Variants in MAPK8IP3 observed in about 807,000 individuals in gnomAD.
MAPK8IP3 encodes mitogen-activated protein kinase 8 interacting protein 3.
In MAPK8IP3, 49 loss-of-function variants were observed where a neutral mutation model predicts 157.8. The observed-to-expected ratio is 0.31, with a 90% confidence interval of 0.25 to 0.39. The LOEUF (loss-of-function observed/expected upper bound fraction) is 0.39, where lower values mean the gene tolerates loss of function less well. Ranked by LOEUF, MAPK8IP3 falls within the 10% of genes least tolerant of loss-of-function variation. The probability of loss-of-function intolerance (pLI) is 1.00; values close to 1 mark genes in which losing one functional copy is unlikely to be tolerated. For missense variants in MAPK8IP3, 1,478 were observed against 1,889.4 expected, an observed-to-expected ratio of 0.78 and a Z score of 4.04; for synonymous variants, 897 against 777.7, an observed-to-expected ratio of 1.15 and a Z score of -2.55.
At chr16:1,748,424 C>A in intron 7 of MAPK8IP3, 78 bp downstream of exon 7, 2 of 1,283,280 alleles carry the variant, frequency 1.6e-6, no homozygotes, top group Non-Finnish European at 1.1e-6. Flanking sequence ...AAGTCTTCCT[C>A]TGCCACCACT....
In MAPK8IP3 at chr16:1,725,149, T is replaced by TTTTTTATTA. The variant is rs368464070; in HGVS notation, c.439+474_439+475insTTTATTATT. Among the ~76,000 whole-genome samples, 215 of 144,472 alleles carry TTTTTTATTA rather than the reference T, an allele frequency of 1.5e-3. 1 individual carries two copies. The highest frequency in any genetic ancestry group is 7.6e-3 in the South Asian group (34 of 4,500). 94.8% of individuals were successfully genotyped at this position (144,472 alleles called of 152,430 possible). ...CTGCAAGGCGAAGTAGCAGAAAGGG[T>TTTTTTATTA]TTATTATTATTATTATTATTATTAT... On this transcript the variant is annotated intron_variant, in intron 2 of 31. Transcript: ENST00000610761.
intron 4 of MAPK8IP3, among the ~76,000 whole-genome samples, chr16:1,737,017 AGT>A (rs1428101905): frequency 2.6e-4 from 7 of 27,014 alleles, no homozygotes; most frequent in Non-Finnish European, 4.7e-4. Flanking sequence ...TCCGTGTGAG[AGT>A]GTGACCATCC....
chr16:1,717,251 A>AGAAAG (rs34887531), intron 1 of MAPK8IP3, among the ~76,000 whole-genome samples: 1 of 147,848 alleles, frequency 6.8e-6, no homozygotes, highest in Non-Finnish European at 1.5e-5. Flanking sequence ...AAAAAAAAAA[A>AGAAAG]AAAGAAAGAA....
At chr16:1,747,360 C>G in intron 6 of MAPK8IP3, 85 bp downstream of exon 6, 2 of 1,534,148 alleles carry the variant, frequency 1.3e-6, no homozygotes, top group South Asian at 1.2e-5. Context: ...ATGCACCAGG[C>G]GGGCAGTGCA....
Position 1,743,924 on chromosome 16 carries a change from G to A in MAPK8IP3, c.747+448G>A, listed in dbSNP as rs548431616. The A allele has an allele frequency of 1.8e-5, 18 of 1,010,718 alleles. No homozygotes were observed. Among genetic ancestry groups the A allele is most frequent in the South Asian group, 8.0e-5 (2 of 25,124 alleles). 62.6% of individuals were successfully genotyped at this position (1,010,718 alleles called of 1,614,324 possible). A position where few individuals can be genotyped will look rare whatever the true frequency, so the allele number is the denominator to read the frequency against. ...GTCTAGAGTGTGGGGTTTGCCCTCCGTTGGCAGAAAGGTGAGGAGAAAGCT... is the reference window on the plus strand; with the variant it reads ...GTCTAGAGTGTGGGGTTTGCCCTCCATTGGCAGAAAGGTGAGGAGAAAGCT... On this transcript the variant is annotated intron_variant, in intron 5 of 31. Transcript: ENST00000610761. The surrounding 1 kb of genome is among the most constrained non-coding windows in gnomAD (Gnocchi z 5.6).
rs142814949 is a variant in MAPK8IP3 at position 1,765,518 on chromosome 16, C to T, written c.2446+340C>T. 4.6e-5 allele frequency among the ~76,000 whole-genome samples: 7 copies of T among 152,310 alleles called. No homozygotes were observed. In the East Asian group the frequency reaches 5.8e-4, roughly 13 times the overall value. On this transcript the variant is annotated intron_variant, in intron 20 of 31. Transcript: ENST00000610761. ...GCTGAATGTGAAACCTCCAGTTGGG[C>T]CGAAGGGGCTATGGGGGTGTGGGTG... is the stretch of plus-strand genomic sequence containing the variant.
At chr16:1,745,253 GC>G in intron 5 of MAPK8IP3, 1 of 888,048 alleles carries the variant, frequency 1.1e-6, no homozygotes, top group Non-Finnish European at 1.3e-6. Context: ...GAGGAAGGTG[GC>G]CCAGAAGCGT....
chr16:1,726,667 C>A (rs2142343700), intron 2 of MAPK8IP3, among the ~76,000 whole-genome samples: 1 of 152,230 alleles, frequency 6.6e-6, no homozygotes, highest in East Asian at 1.9e-4. Context: ...CAGAGTGAGA[C>A]CCTGTCTCAA....
At position 1,769,879 on chromosome 16, in the gene MAPK8IP3, G is replaced by A. The variant is rs1164892707; in HGVS notation, c.*1055G>A. 1 of 152,364 alleles carries A rather than the reference G, an allele frequency of 6.6e-6. No homozygotes were observed. Among genetic ancestry groups the A allele is most frequent in the Non-Finnish European group, 1.5e-5 (1 of 68,146 alleles). The allele number at this position is 152,364 out of a possible 1,614,324, so 9.4% of individuals were successfully genotyped here. On this transcript the variant is annotated 3_prime_UTR_variant, in exon 32 of 32. Coordinates refer to ENST00000610761, the MANE Select transcript of MAPK8IP3 (RefSeq NM_001318852.2). ...CCACCAAGCAGAGGCCCGTGGGGCT[G>A]AGGATGGAGCCGCCCCCAGCCGACT...
rs1046881135 is a variant in MAPK8IP3, at chr16:1,710,927, G to T, written c.318+4270G>T. Among the ~76,000 whole-genome samples the T allele has an allele frequency of 7.2e-5, 11 of 152,190 alleles. No individual in the cohort carries two copies. Among genetic ancestry groups the T allele is most frequent in the Non-Finnish European group, 1.6e-4 (11 of 68,032 alleles). On this transcript the variant is annotated intron_variant, in intron 1 of 31. Coordinates refer to ENST00000610761, the MANE Select transcript of MAPK8IP3 (RefSeq NM_001318852.2). The surrounding 1 kb of genome is among the most constrained non-coding windows in gnomAD (Gnocchi z 4.1). ...TAAAAAGTGGAGCAAATACATGTAG[G>T]AACCATGGAGAAGGAGGTACCTGCC...
In MAPK8IP3 at chr16:1,770,311, C is replaced by T. The variant is rs116231443; in HGVS notation, c.*1487C>T. The T allele has an allele frequency of 1.5e-3, 415 of 276,862 alleles. No individual in the cohort carries two copies. The highest frequency in any genetic ancestry group is 7.5e-3 in the African/African-American group (345 of 45,724). 17.2% of individuals were successfully genotyped at this position (276,862 alleles called of 1,614,324 possible). A position where few individuals can be genotyped will look rare whatever the true frequency, so the allele number is the denominator to read the frequency against. The stretch of plus-strand genomic sequence containing the variant: ...GCTCTGTATGTAATAAATGTCTTAA[C>T]GTCGTAGCTGCCTGTTCCTGGGCCC... On this transcript the variant is annotated 3_prime_UTR_variant, in exon 32 of 32. Transcript: ENST00000610761.
chr16:1,761,811 C>A (rs375295308), intron 13 of MAPK8IP3, among the ~76,000 whole-genome samples: 1 of 152,202 alleles, frequency 6.6e-6, no homozygotes, highest in Non-Finnish European at 1.5e-5. Context: ...ACACGCTGGG[C>A]GGCCACCATT....
chr16:1,765,949 CCT>C lies in MAPK8IP3; in HGVS notation c.2447-7_2447-6del, dbSNP rs1294698879. ...CCCCCGCACAGGCTGACGGGCCGTC[CCT>C]CTCCCCAGCGGCCAGCGACAGCGAC... is the stretch of plus-strand genomic sequence containing the variant. On this transcript the variant is annotated splice_polypyrimidine_tract_variant and intron_variant, in intron 20 of 31. Transcript: ENST00000610761. The C allele has an allele frequency of 3.7e-6, 6 of 1,605,670 alleles. No individual in the cohort carries two copies. Among genetic ancestry groups the C allele is most frequent in the Non-Finnish European group, 5.1e-6 (6 of 1,175,722 alleles).
At chr16:1,745,845 C>A (rs1262477584) in intron 5 of MAPK8IP3, 1 of 152,306 alleles carries the variant, frequency 6.6e-6, no homozygotes, top group Non-Finnish European at 1.5e-5. Flanking sequence ...GAGTGAGTGG[C>A]CGTGTCCGGT....
chr16:1,763,369 C>G (rs2042063109), intron 16 of MAPK8IP3, among the ~76,000 whole-genome samples: 1 of 152,270 alleles, frequency 6.6e-6, no homozygotes, highest in Non-Finnish European at 1.5e-5. Flanking sequence ...AGGTCCCGGT[C>G]TGTGGAACCC....
At chr16:1,736,851 T>TGAGA (rs1567165457) in intron 4 of MAPK8IP3, among the ~76,000 whole-genome samples, 3 of 74,274 alleles carry the variant, frequency 4.0e-5, no homozygotes, top group Admixed American at 1.7e-4. Flanking sequence ...TGACCGTCCG[T>TGAGA]GTGTGACCGT....
Position 1,762,829 on chromosome 16 carries a change from C to T in MAPK8IP3, c.1728-7C>T. On this transcript the variant is annotated splice_polypyrimidine_tract_variant and splice_region_variant and intron_variant, in intron 15 of 31. Coordinates refer to ENST00000610761, the MANE Select transcript of MAPK8IP3 (RefSeq NM_001318852.2). ...GCCCACCCCTCACCTCCCTGTGCCT[C>T]TGGCAGCTTCAGCCGCCTCTTCAGC... is the stretch of plus-strand genomic sequence containing the variant. The T allele has an allele frequency of 6.2e-7, 1 of 1,611,412 alleles. No individual in the cohort carries two copies. Among genetic ancestry groups the T allele is most frequent in the East Asian group, 2.2e-5 (1 of 44,848 alleles).
intron 10 of MAPK8IP3, 29 bp downstream of exon 10, chr16:1,759,024 G>T (rs200215301): frequency 1.9e-6 from 3 of 1,613,746 alleles, no homozygotes; most frequent in Non-Finnish European, 2.5e-6. Flanking sequence ...TCCAGCGTGC[G>T]TCGCTCCTCC....
At chr16:1,734,333 C>A (rs1017888187) in intron 4 of MAPK8IP3, among the ~76,000 whole-genome samples, 1 of 152,208 alleles carries the variant, frequency 6.6e-6, no homozygotes, top group Non-Finnish European at 1.5e-5. Flanking sequence ...CCCTGGCCGG[C>A]GGTGGTACTG....
Sources: allele counts gnomAD v4.1 joint callset (sites outside exome capture counted in the v4.1 genomes callset), GRCh38; gene constraint gnomAD v4.1.1; non-coding constraint Gnocchi (gnomAD v3.1); transcripts MANE v1.5; gene names NCBI Gene and HGNC (gene_info 2026-07-23, HGNC 2026-07-21).